The following N4BP2 variants were observed in gnomAD, a reference collection of about 807,000 sequenced individuals.
N4BP2 encodes the protein NEDD4-binding protein 2.
N4BP2 carries 91 observed loss-of-function variants against 152.8 expected under a neutral mutation model. That is an observed-to-expected ratio of 0.60 (90% CI 0.50 to 0.71). N4BP2 has a LOEUF of 0.71. Among genes scored for constraint, N4BP2 ranks in the 30% least tolerant of loss-of-function variants. N4BP2 has a pLI of 0.00. For synonymous variants in N4BP2, 646 were observed against 705.3 expected, an observed-to-expected ratio of 0.92 and a Z score of 1.33; for missense variants, 1,923 against 2,059.1, an observed-to-expected ratio of 0.93 and a Z score of 1.28.
At chr4:40,058,307 GTT>G (rs1733384897) in intron 1 of N4BP2, among the ~76,000 whole-genome samples, 1 of 152,080 alleles carries the variant, frequency 6.6e-6, no homozygotes, top group Non-Finnish European at 1.5e-5. Context: ...TGTGTTCTGT[GTT>G]TTGATAAACG....
At chr4:40,061,005 G>C (rs1464944303) in intron 1 of N4BP2, among the ~76,000 whole-genome samples, 1 of 151,794 alleles carries the variant, frequency 6.6e-6, no homozygotes, top group African/African-American at 2.4e-5. Context: ...AATTGAGACG[G>C]GGTGTTGCCA....
At chr4:40,082,375 C>CTT (rs1174858002) in intron 2 of N4BP2, among the ~76,000 whole-genome samples, 1 of 151,228 alleles carries the variant, frequency 6.6e-6, no homozygotes, top group Non-Finnish European at 1.5e-5. Context: ...ATTCAATAAT[C>CTT]TAACAATCCT....
chr4:40,089,418 T>A (rs2109935469), intron 2 of N4BP2, among the ~76,000 whole-genome samples: 1 of 150,636 alleles, frequency 6.6e-6, no homozygotes, highest in African/African-American at 2.4e-5. Flanking sequence ...TGATGAACTA[T>A]AATTTATCAG....
At position 40,121,507 on chromosome 4, in the gene N4BP2, A is replaced by C. The variant is rs1427000292; in HGVS notation, c.3396A>C (p.Leu1132Phe). 4 of 1,614,180 alleles carry C rather than the reference A, an allele frequency of 2.5e-6. No homozygotes were observed. Among genetic ancestry groups the C allele is most frequent in the Admixed American group, 3.3e-5 (2 of 60,024 alleles). Residue 1132 changes from leucine to phenylalanine, a missense_variant, in exon 9 of 18, where the codon TTA (leucine) becomes TTC (phenylalanine). Transcript: ENST00000261435. ...TSLLLDSETKLCEDTEFENFQ... is the reference protein window; with the variant it reads ...TSLLLDSETKFCEDTEFENFQ... ...TTTTGTTGGATTCTGAAACTAAGTT[A>C]TGTGAGGATACAGAGTTTGAGAATT...
At chr4:40,175,857 G>A in the N4BP2 span, among the ~76,000 whole-genome samples, 6 of 149,938 alleles carry the variant, frequency 4.0e-5, no homozygotes, top group East Asian at 1.2e-3. Flanking sequence ...TTGGGAGGCC[G>A]AGGTGGGTGG....
At chr4:40,159,396 A>G (rs1721794300), downstream of N4BP2, among the ~76,000 whole-genome samples, 1 of 152,240 alleles carries the variant, frequency 6.6e-6, no homozygotes, top group Admixed American at 6.5e-5. Context: ...CCCAGGGATA[A>G]AAATTCCAGG....
In N4BP2 at chr4:40,062,683, T is replaced by C. The variant is rs150895545; in HGVS notation, c.-212+5653T>C. On this transcript the variant is annotated intron_variant, in intron 1 of 17. Transcript: ENST00000261435. ...AGCCCTATTAAGTTCCTTGTATTTCTCCCTGAAGGGGTCAGAGTTCTTAAA... is the reference window on the plus strand; with the variant it reads ...AGCCCTATTAAGTTCCTTGTATTTCCCCCTGAAGGGGTCAGAGTTCTTAAA... Among the ~76,000 whole-genome samples, 278 of 152,172 alleles carry C rather than the reference T, an allele frequency of 1.8e-3. 3 individuals are homozygous for C. The highest frequency in any genetic ancestry group is 6.4e-3 in the African/African-American group (266 of 41,512).
rs755666224 is a variant in N4BP2 at position 40,102,866 on chromosome 4, G to A, written c.1021G>A (p.Val341Met). The change falls in exon 4 of 18, where the codon GTG becomes ATG. Residue 341 changes from valine to methionine, a missense_variant. Coordinates refer to ENST00000261435, the MANE Select transcript of N4BP2 (RefSeq NM_018177.6). Reference protein sequence around the residue: ...HPELPTKGKDVSYCPVLAPLP... With the variant: ...HPELPTKGKDMSYCPVLAPLP... ...TGAACTGCCAACTAAGGGGAAGGAT[G>A]TGAGTTACTGCCCGGTACTTGCTCC... The A allele has an allele frequency of 3.7e-6, 6 of 1,614,070 alleles. No homozygotes were observed. Among genetic ancestry groups the A allele is most frequent in the Non-Finnish European group, 5.1e-6 (6 of 1,180,048 alleles).
chr4:40,121,294 C>A lies in N4BP2; in HGVS notation c.3183C>A (p.Asp1061Glu), dbSNP rs770613049. 6.2e-7 allele frequency: 1 copy of A among 1,613,506 alleles called. No homozygotes were observed. The highest frequency in any genetic ancestry group is 1.7e-5 in the Admixed American group (1 of 59,834). Residue 1061 changes from aspartate (D) to glutamate (E), a missense_variant, in exon 9 of 18, where the codon GAC becomes GAA. Coordinates refer to ENST00000261435, the MANE Select transcript of N4BP2 (RefSeq NM_018177.6). ...PKVFNINTKS[D>E]VQEAIPYRVM... ...TTTTCAATATTAACACAAAATCAGA[C>A]GTTCAAGAAGCAATTCCATATAGAG...
chr4:40,182,554 G>A, the N4BP2 span, among the ~76,000 whole-genome samples: 1 of 152,008 alleles, frequency 6.6e-6, no homozygotes, highest in Non-Finnish European at 1.5e-5. Context: ...AGGCTCAAGC[G>A]ATCCTCCCAC....
In N4BP2 at chr4:40,158,056, A is replaced by G. The variant is rs1395549137; in HGVS notation, c.*3819A>G. Reference sequence around the variant, plus strand: ...CTCATTAAAATACAATATTGCAGCTATCAGTTGGAGAATATATTATAAAAT... The same window carrying G: ...CTCATTAAAATACAATATTGCAGCTGTCAGTTGGAGAATATATTATAAAAT... On this transcript the variant is annotated 3_prime_UTR_variant, in exon 18 of 18. Transcript: ENST00000261435. 3 of 152,190 alleles carry G rather than the reference A, an allele frequency of 2.0e-5. No individual in the cohort carries two copies. Among genetic ancestry groups the G allele is most frequent in the African/African-American group, 4.8e-5 (2 of 41,452 alleles). 9.4% of individuals were successfully genotyped at this position (152,190 alleles called of 1,614,324 possible).
chr4:40,159,994 A>G (rs936553032), downstream of N4BP2, among the ~76,000 whole-genome samples: 5 of 151,516 alleles, frequency 3.3e-5, no homozygotes, highest in Admixed American at 6.6e-5. Flanking sequence ...TCATTTTTGT[A>G]TTTTTAGTAG....
chr4:40,062,251 T>C lies in N4BP2; in HGVS notation c.-212+5221T>C, dbSNP rs563208755. 1.6e-4 allele frequency among the ~76,000 whole-genome samples: 24 copies of C among 152,196 alleles called. No individual in the cohort carries two copies. The East Asian group carries it at 4.3e-3, about 27-fold the overall frequency. On this transcript the variant is annotated intron_variant, in intron 1 of 17. Transcript: ENST00000261435. ...CCACCACCACGCCCGGCTAATTTTT[T>C]GTATTTTTAATAGAGATGGGGTTTC...
intron 1 of N4BP2, among the ~76,000 whole-genome samples, chr4:40,071,519 T>G (rs757361745): frequency 1.1e-4 from 17 of 152,236 alleles, no homozygotes; most frequent in Non-Finnish European, 2.1e-4. Flanking sequence ...TTTTTGCTTC[T>G]AGCAAGTAGT....
At chr4:40,125,723 C>G (rs1718326842) in intron 11 of N4BP2, among the ~76,000 whole-genome samples, 1 of 152,052 alleles carries the variant, frequency 6.6e-6, no homozygotes, top group South Asian at 2.1e-4. Context: ...CCCGTCTCTA[C>G]TAAAAATACA....
At chr4:40,150,159 G>A (rs1486638745) in intron 16 of N4BP2, among the ~76,000 whole-genome samples, 2 of 152,144 alleles carry the variant, frequency 1.3e-5, no homozygotes, top group Admixed American at 6.5e-5. Context: ...TGTTAAAATC[G>A]GAGATGAATT....
chr4:40,103,359 CTT>C (rs1475931820), intron 4 of N4BP2, 141 bp downstream of exon 4: 1 of 647,450 alleles, frequency 1.5e-6, no homozygotes, highest in Non-Finnish European at 2.6e-6. Context: ...GGTTTCCTAA[CTT>C]TGTGTAGCTA....
chr4:40,142,319 C>T (rs111681190), intron 14 of N4BP2: 57 of 316,298 alleles, frequency 1.8e-4, no homozygotes, highest in Non-Finnish European at 2.7e-4. Context: ...GTGGTGGCGA[C>T]GGCTGGAGTT....
In N4BP2 at chr4:40,154,412, A is replaced by T; in HGVS notation, c.*175A>T. On this transcript the variant is annotated 3_prime_UTR_variant, in exon 18 of 18. Transcript: ENST00000261435. ...CAAGTGAGGTTTGATTTTTTACTGA[A>T]TCAAATGCAAATGTTACCTGTTAAA... 1 of 493,922 alleles carries T rather than the reference A, an allele frequency of 2.0e-6. No individual in the cohort carries two copies. The highest frequency in any genetic ancestry group is 3.5e-5 in the East Asian group (1 of 28,410). The allele number at this position is 493,922 out of a possible 1,614,324, so 30.6% of individuals were successfully genotyped here.
Sources: gnomAD v4.1 joint callset for allele counts (sites outside exome capture counted in the v4.1 genomes callset) on GRCh38, gnomAD v4.1.1 for gene constraint, MANE v1.5 for transcripts, NCBI Gene and HGNC (gene_info 2026-07-23, HGNC 2026-07-21) for gene names.